The following ZC3H3 variants were observed in gnomAD, a reference collection of about 807,000 sequenced individuals.
ZC3H3 encodes zinc finger CCCH domain-containing protein 3.
ZC3H3 carries 36 observed loss-of-function variants against 77.3 expected under a neutral mutation model. The observed-to-expected ratio is 0.47, with a 90% CI of 0.36 to 0.61. The LOEUF (loss-of-function observed/expected upper bound fraction) is 0.61. Ranked by LOEUF, ZC3H3 falls within the 20% of genes least tolerant of loss-of-function variation. The probability of loss-of-function intolerance (pLI) is 0.00; values close to 1 mark genes in which losing one functional copy is unlikely to be tolerated. For synonymous variants in ZC3H3, 626 were observed against 555.2 expected (o/e 1.13, Z -1.79); for missense variants, 1,331 against 1,312.2 (o/e 1.01, Z -0.22).
rs376592994 is a variant in ZC3H3, at chr8:143,538,047, T to C, written c.1320A>G (p.Lys440=). The C allele has an allele frequency of 4.3e-5, 69 of 1,612,106 alleles. No homozygotes were observed. Among genetic ancestry groups the C allele is most frequent in the Non-Finnish European group, 5.8e-5 (68 of 1,179,604 alleles). The part of the protein sequence containing the change: ...LSGETPLSAY[K]VKSRTKIIRR... ...GGATGATCTTGGTGCGGCTCTTCAC[T>C]TTGTAAGCCGAGAGCGGGGTCTCCC... Residue 440 remains lysine (K), a synonymous_variant, in exon 2 of 12, where the codon AAA becomes AAG. Coordinates refer to ENST00000262577, the MANE Select transcript of ZC3H3 (RefSeq NM_015117.3).
intron 3 of ZC3H3, among the ~76,000 whole-genome samples, chr8:143,513,264 C>A (rs1032582062): frequency 6.6e-6 from 1 of 152,136 alleles, no homozygotes; most frequent in Non-Finnish European, 1.5e-5. Context: ...GCCCCTCACA[C>A]CCCCACCCCT....
At position 143,523,317 on chromosome 8, in the gene ZC3H3, C is replaced by T. The variant is rs540259355; in HGVS notation, c.1561+12940G>A. On this transcript the variant is annotated intron_variant, in intron 3 of 11. Coordinates refer to ENST00000262577, the MANE Select transcript of ZC3H3 (RefSeq NM_015117.3). ...CAGACGCACGATGAAACCAAGCTCACCTGCAGCGCCAGCGGCTCAGAGCCA... is the reference window on the plus strand; with the variant it reads ...CAGACGCACGATGAAACCAAGCTCATCTGCAGCGCCAGCGGCTCAGAGCCA... 3.0e-6 allele frequency: 3 copies of T among 985,430 alleles called. No individual in the cohort carries two copies. The African/African-American group carries it at 5.2e-5, about 17-fold the overall frequency. The allele number at this position is 985,430 out of a possible 1,614,324, so 61.0% of individuals were successfully genotyped here.
At chr8:143,501,320 C>T (rs964826435) in intron 4 of ZC3H3, among the ~76,000 whole-genome samples, 20 of 152,204 alleles carry the variant, frequency 1.3e-4, no homozygotes, top group African/African-American at 3.4e-4. Flanking sequence ...CCTGCCTCCT[C>T]AGTCTCCCAA....
chr8:143,505,912 G>A (rs536890602), intron 4 of ZC3H3, among the ~76,000 whole-genome samples: 1 of 152,354 alleles, frequency 6.6e-6, no homozygotes, highest in African/African-American at 2.4e-5. Flanking sequence ...GGCACTCAGA[G>A]AGTCACGGCC....
chr8:143,443,284 CA>C lies in ZC3H3; in HGVS notation c.2308-2165del, dbSNP rs34765299. Among the ~76,000 whole-genome samples the C allele has an allele frequency of 3.1e-3, 194 of 61,952 alleles. 1 individual carries two copies. The highest frequency in any genetic ancestry group is 8.6e-3 in the East Asian group (16 of 1,856). The allele number at this position is 61,952 out of a possible 152,430, so 40.6% of individuals were successfully genotyped here. On this transcript the variant is annotated intron_variant, in intron 9 of 11. Transcript: ENST00000262577. ...TGGGCAACAGAGTGAGACCCTGTCTCAAAAAAAAAAAAAAAAAAAAAAAGAA... is the reference window on the plus strand; with the variant it reads ...TGGGCAACAGAGTGAGACCCTGTCTCAAAAAAAAAAAAAAAAAAAAAAGAA...
chr8:143,475,621 C>T (rs1457781947), intron 4 of ZC3H3, 36 bp from the exon 5 acceptor site: 1 of 1,539,238 alleles, frequency 6.5e-7, no homozygotes, highest in Admixed American at 2.0e-5. Flanking sequence ...AACCTGGCCC[C>T]AGGACAGACT....
chr8:143,440,327 C>T lies in ZC3H3; in HGVS notation c.2529G>A (p.Thr843=), dbSNP rs539555784. The part of the protein sequence containing the change: ...PSASQRPTRQ[T]PSSAALTAAA... ...CCGCAGTGAGGGCAGCCGAGCTGGG[C>T]GTCTGCCTGGTGGGGCGCTGGGATG... is the stretch of plus-strand genomic sequence containing the variant. The change falls in exon 11 of 12, where the codon ACG becomes ACA. Residue 843 remains threonine, a synonymous_variant. Transcript: ENST00000262577. 3.2e-6 allele frequency: 5 copies of T among 1,543,290 alleles called. No homozygotes were observed. Among genetic ancestry groups the T allele is most frequent in the South Asian group, 1.2e-5 (1 of 81,602 alleles).
At chr8:143,518,843 C>T (rs1489549510) in intron 3 of ZC3H3, among the ~76,000 whole-genome samples, 2 of 152,246 alleles carry the variant, frequency 1.3e-5, no homozygotes, top group Admixed American at 6.5e-5. Context: ...GCCCACCCAA[C>T]GGGAGCCACA....
At position 143,538,613 on chromosome 8, in the gene ZC3H3, C is replaced by T. The variant is rs148537306; in HGVS notation, c.754G>A (p.Val252Met). Reference sequence around the variant, plus strand: ...AGGAGCTGTGGAGCACAGCTGGCCACGGAATGAGAACCCAGCTTCCGGCCC... The same window carrying T: ...AGGAGCTGTGGAGCACAGCTGGCCATGGAATGAGAACCCAGCTTCCGGCCC... ...ALGRKLGSHS[V>M]ASCAPQLLGD... is the part of the protein sequence containing the mutation. The change falls in exon 2 of 12, where the codon GTG becomes ATG. Residue 252 changes from valine to methionine, a missense_variant. By Grantham distance (21) the Val-to-Met change is conservative. Transcript: ENST00000262577. The T allele has an allele frequency of 2.1e-4, 332 of 1,609,544 alleles. No homozygotes were observed. Among genetic ancestry groups the T allele is most frequent in the African/African-American group, 1.7e-3 (128 of 75,064 alleles).
chr8:143,474,421 C>T (rs1210233632), intron 5 of ZC3H3, among the ~76,000 whole-genome samples: 1 of 152,262 alleles, frequency 6.6e-6, no homozygotes, highest in Non-Finnish European at 1.5e-5. Context: ...CAGTGTGGCT[C>T]AGAGCCCTGT....
chr8:143,456,796 A>G (rs1468975819), intron 9 of ZC3H3, among the ~76,000 whole-genome samples: 1 of 152,186 alleles, frequency 6.6e-6, no homozygotes, highest in Non-Finnish European at 1.5e-5. Flanking sequence ...GGAGCTCAGG[A>G]GTTTGAGCTT....
chr8:143,510,491 G>A (rs1821838658), intron 3 of ZC3H3, among the ~76,000 whole-genome samples: 1 of 152,228 alleles, frequency 6.6e-6, no homozygotes, highest in Non-Finnish European at 1.5e-5. Flanking sequence ...GATGAATTCT[G>A]AGCTGGGCAC....
intron 3 of ZC3H3, among the ~76,000 whole-genome samples, chr8:143,515,343 C>T (rs1386205236): frequency 6.6e-6 from 1 of 152,122 alleles, no homozygotes; most frequent in Non-Finnish European, 1.5e-5. Flanking sequence ...TCGGCAGGGC[C>T]CCTGGGGCGC....
intron 9 of ZC3H3, among the ~76,000 whole-genome samples, chr8:143,443,752 G>A (rs966940882): frequency 1.3e-5 from 2 of 152,222 alleles, no homozygotes; most frequent in Non-Finnish European, 2.9e-5. Flanking sequence ...TGTTGGGAAC[G>A]CTAAGCGTGT....
intron 3 of ZC3H3, among the ~76,000 whole-genome samples, chr8:143,524,397 G>C (rs28539132): frequency 0.52 from 78,990 of 152,178 alleles, 20,750 homozygotes; most frequent in East Asian, 0.68. Flanking sequence ...CAAGCCACTG[G>C]AAGCGCAGGA....
At chr8:143,536,611 G>A (rs1010038907) in intron 2 of ZC3H3, among the ~76,000 whole-genome samples, 158 bp from the exon 3 acceptor site, 1 of 152,092 alleles carries the variant, frequency 6.6e-6, no homozygotes, top group Non-Finnish European at 1.5e-5. Context: ...AGCCCATGGC[G>A]GCCCTGCCCA....
chr8:143,446,904 C>A (rs1181916190), intron 9 of ZC3H3, among the ~76,000 whole-genome samples: 1 of 152,248 alleles, frequency 6.6e-6, no homozygotes, highest in East Asian at 1.9e-4. Context: ...CTATCAGCAC[C>A]AAGACAGTGG....
intron 9 of ZC3H3, among the ~76,000 whole-genome samples, chr8:143,459,700 G>GA (rs1423990319): frequency 6.6e-6 from 1 of 151,822 alleles, no homozygotes; most frequent in African/African-American, 2.4e-5. Context: ...TAGAATAAAG[G>GA]AAAAAGACCA....
intron 3 of ZC3H3, among the ~76,000 whole-genome samples, chr8:143,524,713 G>GCTGCA (rs1822356326): frequency 6.6e-6 from 1 of 152,264 alleles, no homozygotes; most frequent in African/African-American, 2.4e-5. Context: ...GCTGCGCTGC[G>GCTGCA]CTGCACTGGT....
Sources: gnomAD v4.1 joint callset for allele counts (sites outside exome capture counted in the v4.1 genomes callset) on GRCh38, gnomAD v4.1.1 for gene constraint, MANE v1.5 for transcripts, NCBI Gene and HGNC (gene_info 2026-07-23, HGNC 2026-07-21) for gene names.